Variants in STAT5B observed in about 807,000 individuals in gnomAD.
STAT5B encodes transcription factor STAT5B.
Under a neutral mutation model 107.8 loss-of-function variants are expected in STAT5B, and 21 were observed. That is an observed-to-expected ratio of 0.19 (90% confidence interval 0.14 to 0.28). The LOEUF (loss-of-function observed/expected upper bound fraction) is 0.28, where lower values mean the gene tolerates loss of function less well. Among genes scored for constraint, STAT5B ranks in the 10% least tolerant of loss-of-function variants. The pLI, the probability that STAT5B is intolerant of heterozygous loss-of-function variation, is 1.00. For missense variants in STAT5B, 565 were observed against 1,008.2 expected (o/e 0.56, Z 5.95); for synonymous variants, 325 against 401.7 (o/e 0.81, Z 2.28).
intron 1 of STAT5B, chr17:42,270,623 A>T (rs1201979165): frequency 1.3e-5 from 2 of 152,220 alleles, no homozygotes; most frequent in African/African-American, 4.8e-5. Flanking sequence ...AAAATCCTAA[A>T]CATATAAAAA....
intron 1 of STAT5B, among the ~76,000 whole-genome samples, chr17:42,262,919 T>A: frequency 9.3e-6 from 1 of 107,646 alleles, no homozygotes; most frequent in African/African-American, 3.3e-5. Flanking sequence ...TATATATATG[T>A]GTGTATATAT....
chr17:42,286,233 CAA>C, the STAT5B span, among the ~76,000 whole-genome samples: 8 of 52,396 alleles, frequency 1.5e-4, no homozygotes, highest in African/African-American at 4.5e-4. Flanking sequence ...AACTCCATCT[CAA>C]AAAAAAAAAA....
At chr17:42,232,436 A>G (rs1428000449) in intron 1 of STAT5B, among the ~76,000 whole-genome samples, 4 of 151,914 alleles carry the variant, frequency 2.6e-5, no homozygotes, top group Non-Finnish European at 5.9e-5. Flanking sequence ...TTTAGTAGAG[A>G]TGGGGTTTCA....
chr17:42,217,161 T>C lies in STAT5B; in HGVS notation c.1379A>G (p.Lys460Arg). 1 of 1,611,998 alleles carries C rather than the reference T, an allele frequency of 6.2e-7. No homozygotes were observed. Among genetic ancestry groups the C allele is most frequent in the Non-Finnish European group, 8.5e-7 (1 of 1,179,028 alleles). Residue 460 changes from lysine to arginine, a missense_variant and splice_region_variant, in exon 11 of 19, where the codon AAG (lysine) becomes AGG (arginine). Lys to Arg is a conservative substitution (Grantham distance 26, BLOSUM62 2). Around this residue, in one of 11 missense-constraint regions of STAT5B, gnomAD observed 127 missense variants for 215.8 expected, o/e 0.59. Transcript: ENST00000293328. Reference sequence around the variant, plus strand: ...CGCAGAGCTGAGGGAAGGCTTTACCTTGACTTGAAAAACCAGCTCATTTCC... The same window carrying C: ...CGCAGAGCTGAGGGAAGGCTTTACCCTGACTTGAAAAACCAGCTCATTTCC... ...VGGNELVFQV[K>R]TLSLPVVVIV...
chr17:42,263,869 G>GCACACA (rs1555553698), intron 1 of STAT5B, among the ~76,000 whole-genome samples: 4 of 63,454 alleles, frequency 6.3e-5, no homozygotes, highest in South Asian at 1.2e-3. Flanking sequence ...ACTAGAAAGC[G>GCACACA]CGCACACACA....
chr17:42,237,064 A>C (rs1598318302), intron 1 of STAT5B, among the ~76,000 whole-genome samples: 1 of 152,328 alleles, frequency 6.6e-6, no homozygotes, highest in South Asian at 2.1e-4. Context: ...AAAGATGAGA[A>C]CTATTTGAGC....
Position 42,207,624 on chromosome 17 carries a change from G to A in STAT5B, c.2011C>T (p.Pro671Ser). Residue 671 changes from proline (P) to serine (S), a missense_variant, in exon 16 of 19, where the codon CCT (proline) becomes TCT (serine). Pro to Ser is a moderately conservative substitution (Grantham distance 74, BLOSUM62 -1). Around this residue, in one of 11 missense-constraint regions of STAT5B, gnomAD observed 38 missense variants for 79.5 expected, o/e 0.48. Coordinates refer to ENST00000293328, the MANE Select transcript of STAT5B (RefSeq NM_012448.4). ...GDLNYLIYVF[P>S]DRPKDEVYSK... The stretch of plus-strand genomic sequence containing the variant: ...TATACTTCATCTTTTGGCCGATCAG[G>A]AAACACGTAGATAAGGTAATTCAAG... 6.2e-7 allele frequency: 1 copy of A among 1,614,044 alleles called. No homozygotes were observed. The highest frequency in any genetic ancestry group is 8.5e-7 in the Non-Finnish European group (1 of 1,180,032).
intron 16 of STAT5B, among the ~76,000 whole-genome samples, chr17:42,203,639 T>C (rs2080063462): frequency 6.6e-6 from 1 of 152,082 alleles, no homozygotes; most frequent in South Asian, 2.1e-4. Flanking sequence ...TTCTTTTTTT[T>C]CTTTTTTGAC....
chr17:42,210,416 G>A lies in STAT5B; in HGVS notation c.1762C>T (p.His588Tyr). The stretch of plus-strand genomic sequence containing the variant: ...AATGATTCTCACCCATCATTCCAAT[G>A]AGGCTTGAGATGTTTTTTTAACACT... ...MEVLKKHLKPHWNDGAILGFV... is the reference protein window; with the variant it reads ...MEVLKKHLKPYWNDGAILGFV... The change falls in exon 14 of 19, where the codon CAT becomes TAT. Residue 588 changes from histidine (H) to tyrosine (Y), a missense_variant. By Grantham distance (83) the His-to-Tyr change is moderately conservative (BLOSUM62 2). Coordinates refer to ENST00000293328, the MANE Select transcript of STAT5B (RefSeq NM_012448.4). The A allele has an allele frequency of 6.2e-7, 1 of 1,614,188 alleles. No individual in the cohort carries two copies. Among genetic ancestry groups the A allele is most frequent in the Non-Finnish European group, 8.5e-7 (1 of 1,180,030 alleles).
intron 1 of STAT5B, among the ~76,000 whole-genome samples, chr17:42,238,132 ATCC>A (rs1567667734): frequency 1.4e-5 from 2 of 142,382 alleles, no homozygotes; most frequent in African/African-American, 5.0e-5. Context: ...CCATCCATCC[ATCC>A]ATCCATCCAT....
intron 16 of STAT5B, among the ~76,000 whole-genome samples, chr17:42,203,785 C>T (rs1462674606): frequency 6.6e-6 from 1 of 151,994 alleles, no homozygotes; most frequent in East Asian, 1.9e-4. Context: ...CACCACCATG[C>T]CCAGCTACTT....
chr17:42,224,348 AT>A (rs551186127), intron 4 of STAT5B, among the ~76,000 whole-genome samples: 220 of 143,634 alleles, frequency 1.5e-3, no homozygotes, highest in Admixed American at 2.2e-3. Context: ...CTTCTATTTC[AT>A]TTTTTTTTTT....
chr17:42,230,242 C>T (rs2080306779), intron 2 of STAT5B, among the ~76,000 whole-genome samples: 1 of 152,086 alleles, frequency 6.6e-6, no homozygotes. Flanking sequence ...AAATTTGCTA[C>T]TAACACGCAT....
At chr17:42,274,791 G>A (rs1219930925) in intron 1 of STAT5B, 1 of 152,202 alleles carries the variant, frequency 6.6e-6, no homozygotes, top group African/African-American at 2.4e-5. Context: ...GAGAGGCACA[G>A]TTCTATTACC....
chr17:42,257,281 T>A (rs570602217), intron 1 of STAT5B, among the ~76,000 whole-genome samples: 1 of 152,356 alleles, frequency 6.6e-6, no homozygotes, highest in East Asian at 1.9e-4. Flanking sequence ...AGAAAACAGA[T>A]ACCACCTGAC....
chr17:42,218,128 A>T (rs1194488142), intron 9 of STAT5B, 23 bp downstream of exon 9: 1 of 1,611,146 alleles, frequency 6.2e-7, no homozygotes, highest in Admixed American at 1.7e-5. Flanking sequence ...GTAGCAGGGA[A>T]TGAGAGGAAG....
At chr17:42,244,151 A>T (rs1327597621) in intron 1 of STAT5B, among the ~76,000 whole-genome samples, 1 of 150,870 alleles carries the variant, frequency 6.6e-6, no homozygotes, top group East Asian at 1.9e-4. Flanking sequence ...GCTATGGCGT[A>T]ATCACTGCTC....
the STAT5B span, among the ~76,000 whole-genome samples, chr17:42,286,857 C>T: frequency 5.6e-3 from 854 of 152,334 alleles, 4 homozygotes; most frequent in Non-Finnish European, 7.8e-3. Flanking sequence ...GGCAAAGTCA[C>T]TTCCCCTCTC....
chr17:42,228,217 G>T (rs1256047531), intron 2 of STAT5B, among the ~76,000 whole-genome samples: 3 of 152,136 alleles, frequency 2.0e-5, no homozygotes, highest in Admixed American at 6.6e-5. Flanking sequence ...CAGGCAGAGG[G>T]TGCCTACAAG....
Sources: gnomAD v4.1 joint callset for allele counts (sites outside exome capture counted in the v4.1 genomes callset) on GRCh38, gnomAD v4.1.1 for gene constraint, gnomAD v4.1.1 regional missense constraint, MANE v1.5 for transcripts, NCBI Gene and HGNC (gene_info 2026-07-23, HGNC 2026-07-21) for gene names.